The following ARHGEF12 variants were observed in gnomAD, a reference collection of about 807,000 sequenced individuals.
ARHGEF12 encodes KMT2A/ARHGEF12 fusion protein.
A neutral mutation model predicts 211.2 loss-of-function variants in ARHGEF12; 66 were observed. The ratio of observed to expected loss-of-function variants is 0.31; its 90% CI spans 0.26 to 0.38. ARHGEF12 has a LOEUF of 0.38. Ranked by LOEUF, ARHGEF12 falls within the 10% of genes least tolerant of loss-of-function variation. The pLI is 1.00. For missense variants in ARHGEF12, 1,429 were observed against 1,869.5 expected (o/e 0.76, Z 4.34); for synonymous variants, 592 against 638.4 (o/e 0.93, Z 1.09).
intron 11 of ARHGEF12, among the ~76,000 whole-genome samples, chr11:120,434,565 G>A (rs920740127): frequency 1.7e-4 from 26 of 152,080 alleles, no homozygotes; most frequent in Non-Finnish European, 2.8e-4. Flanking sequence ...ACTTTGAGTC[G>A]CGGTTTTACA....
In ARHGEF12 at chr11:120,473,084, C is replaced by G. The variant is rs1946917860; in HGVS notation, c.2990C>G (p.Ser997Cys). The change falls in exon 31 of 41, where the codon TCC becomes TGC. Residue 997 changes from serine (S) to cysteine (C), a missense_variant. Physicochemically the swap from Ser to Cys is moderately radical, Grantham distance 112. This residue lies in a region of ARHGEF12 where 223 missense variants were observed against 444.6 expected (regional missense o/e 0.50). Coordinates refer to ENST00000397843, the MANE Select transcript of ARHGEF12 (RefSeq NM_015313.3). ...GATTATCAGCGTCGCCTTGATACCT[C>G]CAGCCTGAAGTTGTCAGAGTACCCA... ...LEDYQRRLDT[S>C]SLKLSEYPNV... 1 of 1,613,700 alleles carries G rather than the reference C, an allele frequency of 6.2e-7. No individual in the cohort carries two copies. Among genetic ancestry groups the G allele is most frequent in the Non-Finnish European group, 8.5e-7 (1 of 1,179,792 alleles).
chr11:120,454,393 C>T (rs1314987359), intron 22 of ARHGEF12, among the ~76,000 whole-genome samples: 1 of 152,152 alleles, frequency 6.6e-6, no homozygotes, highest in Non-Finnish European at 1.5e-5. Context: ...AGGTAGTATA[C>T]TTGGGGACAT....
In ARHGEF12 at chr11:120,486,144, G is replaced by A. The variant is rs1441054418; in HGVS notation, c.*1067G>A. The A allele has an allele frequency of 8.6e-6, 2 of 233,480 alleles. No individual in the cohort carries two copies. Among genetic ancestry groups the A allele is most frequent in the Non-Finnish European group, 1.7e-5 (2 of 117,968 alleles). The allele number at this position is 233,480 out of a possible 1,614,324, so 14.5% of individuals were successfully genotyped here. ...GGTTATCTAACTGAATCACTACTGA[G>A]TTGAATCATGGCTATCATTAGCCAC... On this transcript the variant is annotated 3_prime_UTR_variant, in exon 41 of 41. Coordinates refer to ENST00000397843, the MANE Select transcript of ARHGEF12 (RefSeq NM_015313.3).
At chr11:120,439,594 G>A (rs752355647) in intron 12 of ARHGEF12, 3 of 152,214 alleles carry the variant, frequency 2.0e-5, no homozygotes, top group African/African-American at 4.8e-5. Flanking sequence ...TTCGATGATA[G>A]CCTTCAATTA....
chr11:120,393,117 A>G (rs1944272574), intron 1 of ARHGEF12, among the ~76,000 whole-genome samples: 1 of 152,230 alleles, frequency 6.6e-6, no homozygotes. Flanking sequence ...TTGAATTGTC[A>G]GGCGTATGCT....
intron 1 of ARHGEF12, among the ~76,000 whole-genome samples, chr11:120,374,878 T>C (rs1024749378): frequency 4.6e-5 from 7 of 152,220 alleles, no homozygotes; most frequent in Non-Finnish European, 2.9e-5. Context: ...AAATCTACCA[T>C]ACAGTATACA....
intron 12 of ARHGEF12, 26 bp from the exon 13 acceptor site, chr11:120,440,102 CT>C: frequency 6.5e-7 from 1 of 1,548,236 alleles, no homozygotes; most frequent in Non-Finnish European, 8.8e-7. Flanking sequence ...GGTAATTTTT[CT>C]GTTTCTTTTC....
At chr11:120,479,488 A>G (rs891663177) in intron 37 of ARHGEF12, among the ~76,000 whole-genome samples, 1 of 152,206 alleles carries the variant, frequency 6.6e-6, no homozygotes, top group African/African-American at 2.4e-5. Flanking sequence ...CAGTAAATGT[A>G]TGTATCTCAT....
In ARHGEF12 at chr11:120,424,461, A is replaced by C. The variant is rs747526883; in HGVS notation, c.406+46A>C. On this transcript the variant is annotated intron_variant, in intron 7 of 40. Coordinates refer to ENST00000397843, the MANE Select transcript of ARHGEF12 (RefSeq NM_015313.3). Reference sequence around the variant, plus strand: ...GTTTTAATTGTTTTCTGAAACCCTTAAAGTAAGGAGCAGCAAATTTCCTGT... The same window carrying C: ...GTTTTAATTGTTTTCTGAAACCCTTCAAGTAAGGAGCAGCAAATTTCCTGT... 1.2e-5 allele frequency: 19 copies of C among 1,571,598 alleles called. No homozygotes were observed. The African/African-American group carries it at 2.3e-4, about 19-fold the overall frequency.
intron 1 of ARHGEF12, among the ~76,000 whole-genome samples, chr11:120,396,179 G>A (rs1944377246): frequency 6.6e-6 from 1 of 152,120 alleles, no homozygotes; most frequent in South Asian, 2.1e-4. Flanking sequence ...AAATAACGTA[G>A]TATTGGATTA....
chr11:120,398,145 G>T (rs933017861), intron 1 of ARHGEF12, among the ~76,000 whole-genome samples: 2 of 152,146 alleles, frequency 1.3e-5, no homozygotes, highest in Admixed American at 1.3e-4. Flanking sequence ...GAATTATCTT[G>T]AAAATGTTAT....
intron 4 of ARHGEF12, among the ~76,000 whole-genome samples, chr11:120,414,172 TCTTTA>T (rs1485586510): frequency 1.2e-4 from 19 of 152,354 alleles, no homozygotes; most frequent in African/African-American, 3.8e-4. Flanking sequence ...TGATATAACA[TCTTTA>T]CTTCACTGAT....
At chr11:120,355,023 T>C (rs992714365) in intron 1 of ARHGEF12, among the ~76,000 whole-genome samples, 1 of 152,210 alleles carries the variant, frequency 6.6e-6, no homozygotes, top group African/African-American at 2.4e-5. Flanking sequence ...TTCCTCACAC[T>C]GTTAGCACTA....
intron 2 of ARHGEF12, among the ~76,000 whole-genome samples, 191 bp from the exon 3 acceptor site, chr11:120,407,547 T>C (rs1172673036): frequency 1.3e-5 from 2 of 152,176 alleles, no homozygotes; most frequent in African/African-American, 4.8e-5. Context: ...TTTTAAGCAG[T>C]TTTTATAATC....
At position 120,457,690 on chromosome 11, in the gene ARHGEF12, T is replaced by C. The variant is rs201018158; in HGVS notation, c.2190-31T>C. On this transcript the variant is annotated intron_variant, in intron 23 of 40. Transcript: ENST00000397843. ...AAATGTATTGATCACCATTTTGTTT[T>C]CATGTTACTCTTTACTTTCCATTGT... 5.8e-6 allele frequency: 9 copies of C among 1,562,688 alleles called. No individual in the cohort carries two copies. The East Asian group carries it at 1.6e-4, about 27-fold the overall frequency.
chr11:120,339,010 T>G (rs560840704), intron 1 of ARHGEF12, among the ~76,000 whole-genome samples: 1 of 148,854 alleles, frequency 6.7e-6, no homozygotes, highest in Admixed American at 6.6e-5. Flanking sequence ...TTTTTCTTTT[T>G]TTTTTTTTTT....
chr11:120,409,700 T>C (rs1215179046), intron 4 of ARHGEF12: 1 of 372,160 alleles, frequency 2.7e-6, no homozygotes, highest in Non-Finnish European at 4.9e-6. Context: ...TCTTCTCCCG[T>C]CTTGTTTATG....
chr11:120,357,025 TG>T (rs1260287401), intron 1 of ARHGEF12, among the ~76,000 whole-genome samples: 44 of 152,120 alleles, frequency 2.9e-4, no homozygotes, highest in African/African-American at 1.0e-3. Flanking sequence ...TTTTTTTTTT[TG>T]TTTTGTTTTG....
chr11:120,435,752 G>A (rs902126537), intron 11 of ARHGEF12, among the ~76,000 whole-genome samples: 5 of 151,740 alleles, frequency 3.3e-5, no homozygotes, highest in Admixed American at 3.3e-4. Context: ...TCCTGACCTC[G>A]TGATCCACCC....
Sources: allele counts gnomAD v4.1 joint callset (sites outside exome capture counted in the v4.1 genomes callset), GRCh38; gene constraint gnomAD v4.1.1; regional missense constraint gnomAD v4.1.1; transcripts MANE v1.5; gene names NCBI Gene and HGNC (gene_info 2026-07-23, HGNC 2026-07-21).